Variants in SEMA6A observed in about 807,000 individuals in gnomAD.
The protein encoded by SEMA6A is semaphorin 6A.
In SEMA6A, 25 loss-of-function variants were observed where a neutral mutation model predicts 96.8. The ratio of observed to expected loss-of-function variants is 0.26; its 90% CI spans 0.19 to 0.36. The LOEUF (loss-of-function observed/expected upper bound fraction) is 0.36, where lower values mean the gene tolerates loss of function less well. SEMA6A is among the 10% of genes least tolerant of loss of function. SEMA6A has a pLI of 1.00. For synonymous variants in SEMA6A, 612 were observed against 518.0 expected (o/e 1.18, Z -2.46); for missense variants, 1,363 against 1,323.1 (o/e 1.03, Z -0.47).
chr5:116,467,787 A>G (rs776288236), intron 17 of SEMA6A, 40 bp from the exon 18 acceptor site: 6 of 1,605,756 alleles, frequency 3.7e-6, no homozygotes, highest in South Asian at 2.2e-5. Flanking sequence ...ACATCACCAG[A>G]GAGACCCACA....
intron 17 of SEMA6A, chr5:116,467,968 C>T (rs1755878418): frequency 7.3e-6 from 4 of 545,866 alleles, no homozygotes; most frequent in Non-Finnish European, 9.8e-6. Flanking sequence ...AAATGAAGGG[C>T]CAGATCCTAT....
At chr5:116,490,101 ATGTC>A (rs1296588391) in intron 7 of SEMA6A, among the ~76,000 whole-genome samples, 1 of 152,102 alleles carries the variant, frequency 6.6e-6, no homozygotes, top group African/African-American at 2.4e-5. Context: ...AAAGATCTCG[ATGTC>A]TGTCTTTGGT....
intron 1 of SEMA6A, among the ~76,000 whole-genome samples, chr5:116,516,930 G>C (rs1419100546): frequency 6.6e-6 from 1 of 152,028 alleles, no homozygotes; most frequent in African/African-American, 2.4e-5. Context: ...GAATCATTTT[G>C]GTGTTCATTG....
chr5:116,539,753 T>G (rs1759882310), intron 1 of SEMA6A, among the ~76,000 whole-genome samples: 2 of 152,178 alleles, frequency 1.3e-5, no homozygotes, highest in South Asian at 4.1e-4. Context: ...GTGGAAATTA[T>G]TTTTCAGGAT....
intron 18 of SEMA6A, among the ~76,000 whole-genome samples, chr5:116,460,407 T>C (rs187600): frequency 0.69 from 105,089 of 152,030 alleles, 37,238 homozygotes; most frequent in Non-Finnish European, 0.78. Flanking sequence ...TTATTCTAGA[T>C]TTCTAAGAGT....
intron 7 of SEMA6A, 50 bp from the exon 8 acceptor site, chr5:116,489,057 G>A (rs1198426029): frequency 2.0e-6 from 3 of 1,510,808 alleles, no homozygotes; most frequent in African/African-American, 2.8e-5. Context: ...AGTCAGTGGG[G>A]GTGGAGGAAT....
intron 1 of SEMA6A, among the ~76,000 whole-genome samples, chr5:116,509,888 G>A (rs1758329700): frequency 6.6e-6 from 1 of 152,162 alleles, no homozygotes; most frequent in African/African-American, 2.4e-5. Context: ...GTTCTATGCA[G>A]TGGGGCAAGT....
chr5:116,513,318 G>T (rs1392710652), intron 1 of SEMA6A, among the ~76,000 whole-genome samples: 3 of 152,060 alleles, frequency 2.0e-5, no homozygotes, highest in Middle Eastern at 3.4e-3. Flanking sequence ...GTAGAGACGG[G>T]GTTTCTCCAT....
At chr5:116,495,609 G>T in intron 5 of SEMA6A, 95 bp from the exon 6 acceptor site, 1 of 884,142 alleles carries the variant, frequency 1.1e-6, no homozygotes, top group Non-Finnish European at 1.8e-6. Context: ...TAAGGTTAAA[G>T]TGGAGGTGGC....
At chr5:116,468,616 G>A (rs1189644063) in intron 17 of SEMA6A, 1 of 152,170 alleles carries the variant, frequency 6.6e-6, no homozygotes, top group Non-Finnish European at 1.5e-5. Flanking sequence ...TCGTTTGTAA[G>A]CTCTCCCTCC....
chr5:116,514,345 T>C (rs1159091218), intron 1 of SEMA6A, among the ~76,000 whole-genome samples: 1 of 152,150 alleles, frequency 6.6e-6, no homozygotes, highest in African/African-American at 2.4e-5. Flanking sequence ...TATCTGATTG[T>C]GGTTTTGATT....
intron 1 of SEMA6A, among the ~76,000 whole-genome samples, chr5:116,526,953 A>C (rs1335693194): frequency 6.6e-5 from 10 of 152,212 alleles, no homozygotes; most frequent in Non-Finnish European, 1.2e-4. Flanking sequence ...TATAATGCCC[A>C]GCATGAGGAA....
intron 9 of SEMA6A, chr5:116,487,217 G>A (rs1222304310): frequency 2.3e-6 from 1 of 428,646 alleles, no homozygotes; most frequent in Non-Finnish European, 4.2e-6. Flanking sequence ...TCAGCTCCGA[G>A]CCACATAAAG....
intron 1 of SEMA6A, among the ~76,000 whole-genome samples, chr5:116,563,578 C>T (rs1760904375): frequency 1.3e-5 from 2 of 151,168 alleles, no homozygotes; most frequent in Admixed American, 1.3e-4. Context: ...TTAAAGTCCA[C>T]ATTGTATTTG....
At position 116,504,987 on chromosome 5, in the gene SEMA6A, C is replaced by A; in HGVS notation, c.-38-5G>T. On this transcript the variant is annotated splice_polypyrimidine_tract_variant and splice_region_variant and intron_variant, in intron 1 of 18. Coordinates refer to ENST00000343348, the MANE Select transcript of SEMA6A (RefSeq NM_020796.5). ...ACTTTATTTCTCTACTTCACCCTGC[C>A]AAAAAGTAAAGAACAGATTTTTTTC... The A allele has an allele frequency of 7.3e-7, 1 of 1,379,138 alleles. No homozygotes were observed. The highest frequency in any genetic ancestry group is 1.0e-6 in the Non-Finnish European group (1 of 991,678). 85.4% of individuals were successfully genotyped at this position (1,379,138 alleles called of 1,614,324 possible).
chr5:116,542,149 G>C (rs1485189433), intron 1 of SEMA6A, among the ~76,000 whole-genome samples: 4 of 152,042 alleles, frequency 2.6e-5, no homozygotes, highest in African/African-American at 9.7e-5. Flanking sequence ...TTTTTTTTAA[G>C]ACTTTGCATA....
chr5:116,500,684 T>G (rs988019647), intron 3 of SEMA6A, among the ~76,000 whole-genome samples: 3 of 152,158 alleles, frequency 2.0e-5, no homozygotes, highest in Admixed American at 6.5e-5. Flanking sequence ...TATTTACTTG[T>G]TCTTTCCTTA....
At chr5:116,489,531 C>T (rs77744874) in intron 7 of SEMA6A, among the ~76,000 whole-genome samples, 2,013 of 152,292 alleles carry the variant, frequency 0.013, 63 homozygotes, top group Admixed American at 0.052. Context: ...TTGCTACTGT[C>T]CTGAGAGTAA....
rs901203589 is a variant in SEMA6A at position 116,477,942 on chromosome 5, G to T, written c.1569-16C>A. The T allele has an allele frequency of 1.9e-6, 3 of 1,613,800 alleles. No individual in the cohort carries two copies. Among genetic ancestry groups the T allele is most frequent in the African/African-American group, 1.3e-5 (1 of 74,922 alleles). On this transcript the variant is annotated splice_polypyrimidine_tract_variant and intron_variant, in intron 14 of 18. Coordinates refer to ENST00000343348, the MANE Select transcript of SEMA6A (RefSeq NM_020796.5). ...AATACAGGTTCTGCAGGAAGAGGAT[G>T]ACCATGAGCTACCTAGGACTGTTTC...
Sources: gnomAD v4.1 joint callset for allele counts (sites outside exome capture counted in the v4.1 genomes callset) on GRCh38, gnomAD v4.1.1 for gene constraint, MANE v1.5 for transcripts, NCBI Gene and HGNC (gene_info 2026-07-23, HGNC 2026-07-21) for gene names.